The following NEXMIF variants were observed in gnomAD, a reference collection of about 807,000 sequenced individuals.
NEXMIF encodes XLMR protein related to neurite extension.
NEXMIF carries 8 observed loss-of-function variants against 62.1 expected under a neutral mutation model. The ratio of observed to expected loss-of-function variants is 0.13; its 90% confidence interval spans 0.08 to 0.23. NEXMIF has a LOEUF of 0.23. Among genes scored for constraint, NEXMIF ranks in the 10% least tolerant of loss-of-function variants. NEXMIF has a pLI of 1.00. For synonymous variants in NEXMIF, 404 were observed against 416.6 expected, an observed-to-expected ratio of 0.97 and a Z score of 0.37; for missense variants, 976 against 1,113.3, an observed-to-expected ratio of 0.88 and a Z score of 1.75.
At chrX:74,832,079 T>C (rs927938275) in intron 1 of NEXMIF, among the ~76,000 whole-genome samples, 1 of 112,229 alleles carries the variant, frequency 8.9e-6, no homozygotes, top group Non-Finnish European at 1.9e-5. Flanking sequence ...TTTCTTTTTC[T>C]GTTGTGTCTT....
chrX:74,817,713 C>T (rs180907246), intron 1 of NEXMIF, among the ~76,000 whole-genome samples: 61 of 111,308 alleles, frequency 5.5e-4, no homozygotes, highest in African/African-American at 1.9e-3. Context: ...TGCCACCTTC[C>T]CCTAGTCTTC....
chrX:74,762,829 T>C (rs1387699947), intron 1 of NEXMIF, among the ~76,000 whole-genome samples: 1 of 111,853 alleles, frequency 8.9e-6, no homozygotes, highest in Non-Finnish European at 1.9e-5. Flanking sequence ...TTTTTTCTTG[T>C]AAATTTGTTT....
intron 1 of NEXMIF, among the ~76,000 whole-genome samples, chrX:74,877,212 G>T (rs963346884): frequency 9.0e-6 from 1 of 110,866 alleles, no homozygotes; most frequent in Admixed American, 9.6e-5. Context: ...CTCAGCATTT[G>T]CTTATCTGTA....
chrX:74,892,592 C>T (rs895428788), intron 1 of NEXMIF, among the ~76,000 whole-genome samples: 10 of 112,145 alleles, frequency 8.9e-5, no homozygotes, highest in African/African-American at 2.9e-4. Flanking sequence ...TGAAATGCTG[C>T]CTCTAATTCA....
chrX:74,751,474 TTCTC>T (rs760448452), intron 1 of NEXMIF, among the ~76,000 whole-genome samples: 119 of 110,105 alleles, frequency 1.1e-3, no homozygotes, highest in Non-Finnish European at 1.5e-3. Context: ...TGCTTCTTTC[TTCTC>T]TCTGTCTCTC....
Position 74,922,337 on chromosome X carries a change from G to GGT in NEXMIF, c.-48+2544_-48+2545dup, listed in dbSNP as rs3040908. Among the ~76,000 whole-genome samples the GGT allele has an allele frequency of 2.0e-3, 197 of 100,568 alleles. 1 individual carries two copies. Among genetic ancestry groups the GGT allele is most frequent in the Middle Eastern group, 5.1e-3 (1 of 198 alleles). The allele number at this position is 100,568 out of a possible 115,157, so 87.3% of individuals were successfully genotyped here. A position where few individuals can be genotyped will look rare whatever the true frequency, so the allele number is the denominator to read the frequency against. On this transcript the variant is annotated intron_variant, in intron 1 of 3. Transcript: ENST00000055682. ...TTGACTTTGGCAACAGGGTGTTATG[G>GGT]GTGTGTGTGTGTGTGTGTGTGTGTG...
chrX:74,745,117 G>T (rs2080122616), intron 2 of NEXMIF, among the ~76,000 whole-genome samples: 1 of 109,983 alleles, frequency 9.1e-6, no homozygotes, highest in South Asian at 4.0e-4. Flanking sequence ...GAGTAGCTGG[G>T]ATTACAGGCA....
At chrX:74,751,621 C>T (rs993278337) in intron 1 of NEXMIF, among the ~76,000 whole-genome samples, 1 of 97,270 alleles carries the variant, frequency 1.0e-5, no homozygotes, top group East Asian at 4.4e-4. Flanking sequence ...GCTACCATCA[C>T]GCCCTTCCTT....
chrX:74,810,320 T>C (rs1255215944), intron 1 of NEXMIF, among the ~76,000 whole-genome samples: 1 of 111,889 alleles, frequency 8.9e-6, no homozygotes, highest in Non-Finnish European at 1.9e-5. Flanking sequence ...ATAAGTAACA[T>C]ACAACATTGG....
intron 1 of NEXMIF, among the ~76,000 whole-genome samples, chrX:74,764,316 G>A (rs925775218): frequency 1.2e-4 from 14 of 112,011 alleles, no homozygotes; most frequent in Non-Finnish European, 2.6e-4. Context: ...CAGGGATGAA[G>A]TCCACTTGAT....
At chrX:74,781,579 C>T (rs866919159) in intron 1 of NEXMIF, among the ~76,000 whole-genome samples, 2 of 75,366 alleles carry the variant, frequency 2.7e-5, no homozygotes, top group African/African-American at 9.4e-5. Flanking sequence ...AGCTCAGTTT[C>T]GTGGAGGCCA....
intron 1 of NEXMIF, among the ~76,000 whole-genome samples, chrX:74,751,872 C>T (rs189564003): frequency 2.9e-4 from 29 of 100,884 alleles, no homozygotes; most frequent in Non-Finnish European, 4.8e-4. Context: ...TCCAGAGTCT[C>T]GCTCTATCCC....
rs759648151 is a variant in NEXMIF, at chrX:74,913,926, G to GA, written c.-48+10956dup. On this transcript the variant is annotated intron_variant, in intron 1 of 3. Transcript: ENST00000055682. ...AATAAGTAAAGGAAGATCTCTAACA[G>GA]AAAAAAAATGTAAAAGAAGAAATCT... Among the ~76,000 whole-genome samples, 463 of 111,281 alleles carry GA rather than the reference G, an allele frequency of 4.2e-3. 3 individuals are homozygous for GA. The highest frequency in any genetic ancestry group is 5.4e-3 in the Non-Finnish European group (285 of 52,886).
chrX:74,749,712 GTC>G (rs1302066111), intron 1 of NEXMIF, among the ~76,000 whole-genome samples: 2 of 110,062 alleles, frequency 1.8e-5, no homozygotes, highest in African/African-American at 3.3e-5. Context: ...AACAAAATTA[GTC>G]TCTGTCATTC....
At chrX:74,911,990 A>G (rs2080791901) in intron 1 of NEXMIF, among the ~76,000 whole-genome samples, 1 of 112,301 alleles carries the variant, frequency 8.9e-6, no homozygotes, top group Non-Finnish European at 1.9e-5. Flanking sequence ...AAGGGAAAAT[A>G]TAACGAACTG....
chrX:74,868,554 CTTA>C (rs1163154551), intron 1 of NEXMIF, among the ~76,000 whole-genome samples: 1 of 94,055 alleles, frequency 1.1e-5, no homozygotes. Context: ...CATGTTCTCA[CTTA>C]TAAGTTGGAG....
Position 74,740,323 on chromosome X carries a change from G to A in NEXMIF, c.4234C>T (p.Arg1412Cys), listed in dbSNP as rs146774692. The stretch of plus-strand genomic sequence containing the variant: ...TCGTTATAACCAGGCATGTTTGCAC[G>A]ACCAGGATCACCTATTGCTGTTTTC... The part of the protein sequence containing the change: ...NGKTAIGDPG[R>C]ANMPGYNEDS... The change falls in exon 3 of 4, where the codon CGT becomes TGT. Residue 1412 changes from arginine to cysteine, a missense_variant. Around this residue, in one of 5 missense-constraint regions of NEXMIF, gnomAD observed 137 missense variants for 128.9 expected, o/e 1.06. Transcript: ENST00000055682. The A allele has an allele frequency of 2.6e-5, 31 of 1,209,481 alleles. No homozygotes were observed. Among genetic ancestry groups the A allele is most frequent in the Non-Finnish European group, 3.2e-5 (29 of 894,990 alleles).
Position 74,741,683 on chromosome X carries a change from G to A in NEXMIF, c.2874C>T (p.Leu958=), listed in dbSNP as rs2080104481. 8.3e-7 allele frequency: 1 copy of A among 1,211,840 alleles called. No individual in the cohort carries two copies. The highest frequency in any genetic ancestry group is 1.7e-5 in the African/African-American group (1 of 57,837). ...ATAATTGGTAAGAGTCATCAGATGG[G>A]AGTTGGGTATCTTGCATGGAGTCAT... ...VLYDSMQDTQ[L]PSDDSYQLCH... is the part of the protein sequence containing the mutation. Residue 958 remains leucine (L), a synonymous_variant, in exon 3 of 4, where the codon CTC becomes CTT. Coordinates refer to ENST00000055682, the MANE Select transcript of NEXMIF (RefSeq NM_001008537.3).
intron 1 of NEXMIF, among the ~76,000 whole-genome samples, chrX:74,768,396 G>A (rs2080200913): frequency 8.9e-6 from 1 of 112,235 alleles, no homozygotes. Flanking sequence ...AAAGCAGCAC[G>A]CATTAGCTGC....
Sources: gnomAD v4.1 joint callset for allele counts (sites outside exome capture counted in the v4.1 genomes callset) on GRCh38, gnomAD v4.1.1 for gene constraint, gnomAD v4.1.1 regional missense constraint, MANE v1.5 for transcripts, NCBI Gene and HGNC (gene_info 2026-07-23, HGNC 2026-07-21) for gene names.